The following PRR16 variants were observed in gnomAD, a reference collection of about 807,000 sequenced individuals.
PRR16 encodes the protein proline rich 16, also known as protein Largen.
PRR16 carries 6 observed loss-of-function variants against 18.2 expected under a neutral mutation model. That is an observed-to-expected ratio of 0.33 (90% CI 0.18 to 0.65). The LOEUF (loss-of-function observed/expected upper bound fraction) is 0.65, where lower values mean the gene tolerates loss of function less well. Ranked by LOEUF, PRR16 falls within the 30% of genes least tolerant of loss-of-function variation. The probability of loss-of-function intolerance (pLI) is 0.74; values close to 1 mark genes in which losing one functional copy is unlikely to be tolerated. For synonymous variants in PRR16, 151 were observed against 147.8 expected, an observed-to-expected ratio of 1.02 and a Z score of -0.16; for missense variants, 412 against 376.6, an observed-to-expected ratio of 1.09 and a Z score of -0.78.
At chr5:120,752,974 GATA>G in the PRR16 span, among the ~76,000 whole-genome samples, 1 of 8,882 alleles carries the variant, frequency 1.1e-4, no homozygotes, top group African/African-American at 1.6e-4. Context: ...GATAAATTAG[GATA>G]ATATTATTGA....
At chr5:120,554,889 A>G (rs1001368332) in intron 1 of PRR16, among the ~76,000 whole-genome samples, 2 of 151,924 alleles carry the variant, frequency 1.3e-5, no homozygotes, top group African/African-American at 4.8e-5. Flanking sequence ...AAGCAGCTAC[A>G]GCATATCTTT....
chr5:120,567,373 T>C (rs897467852), intron 1 of PRR16, among the ~76,000 whole-genome samples: 6 of 152,162 alleles, frequency 3.9e-5, no homozygotes, highest in African/African-American at 1.4e-4. Flanking sequence ...TTCACCCTCC[T>C]GCCACTGTGC....
chr5:120,600,683 G>C (rs1328909530), intron 1 of PRR16, among the ~76,000 whole-genome samples: 1 of 151,868 alleles, frequency 6.6e-6, no homozygotes, highest in African/African-American at 2.4e-5. Context: ...CGGATAGTGA[G>C]CCTGGTGCCT....
intron 1 of PRR16, among the ~76,000 whole-genome samples, chr5:120,551,901 T>C (rs939777243): frequency 2.0e-5 from 3 of 151,978 alleles, no homozygotes; most frequent in Non-Finnish European, 4.4e-5. Context: ...TTTGAGTTCA[T>C]GGATGAATAT....
chr5:120,470,757 A>G (rs1456957402), intron 1 of PRR16, among the ~76,000 whole-genome samples: 2 of 152,136 alleles, frequency 1.3e-5, no homozygotes, highest in Non-Finnish European at 2.9e-5. Flanking sequence ...AGTTACTGAT[A>G]TTGCCCATTT....
chr5:120,488,585 G>T (rs142993407), intron 1 of PRR16, among the ~76,000 whole-genome samples: 1 of 151,560 alleles, frequency 6.6e-6, no homozygotes. Context: ...TTTGTTGATC[G>T]TTTCAAAAAA....
At chr5:120,592,790 T>G (rs1254026040) in intron 1 of PRR16, among the ~76,000 whole-genome samples, 4 of 152,274 alleles carry the variant, frequency 2.6e-5, no homozygotes, top group Admixed American at 1.3e-4. Context: ...ATTATTAACA[T>G]TTTATTGTCC....
intron 1 of PRR16, chr5:120,657,930 T>G (rs1756040119): frequency 6.6e-6 from 1 of 151,908 alleles, no homozygotes; most frequent in African/African-American, 2.4e-5. Context: ...TTTAGGGCAT[T>G]TTCTAATGCT....
At chr5:120,617,117 C>T in intron 1 of PRR16, 7 of 985,310 alleles carry the variant, frequency 7.1e-6, no homozygotes, top group Middle Eastern at 5.2e-4. Flanking sequence ...CTACTCCCAC[C>T]TCCCCACATG....
At chr5:120,793,335 GA>G in the PRR16 span, among the ~76,000 whole-genome samples, 1 of 150,720 alleles carries the variant, frequency 6.6e-6, no homozygotes, top group Non-Finnish European at 1.5e-5. Flanking sequence ...CCCTGCCTCA[GA>G]AAAAAATAAA....
At chr5:120,753,094 T>C in the PRR16 span, among the ~76,000 whole-genome samples, 1 of 151,990 alleles carries the variant, frequency 6.6e-6, no homozygotes, top group Non-Finnish European at 1.5e-5. Context: ...GCAGAGGAGT[T>C]AGCAGAGCAA....
chr5:120,490,571 A>G (rs112269719), intron 1 of PRR16, among the ~76,000 whole-genome samples: 2,011 of 152,042 alleles, frequency 0.013, 16 homozygotes, highest in Middle Eastern at 0.11. Context: ...TTTTCAAGGT[A>G]TTTAACTTCT....
the PRR16 span, among the ~76,000 whole-genome samples, chr5:120,721,088 A>G: frequency 1.3e-5 from 2 of 152,114 alleles, no homozygotes; most frequent in Non-Finnish European, 2.9e-5. Flanking sequence ...TACACATGTA[A>G]GTGTATGCTC....
At chr5:120,755,873 C>T in the PRR16 span, among the ~76,000 whole-genome samples, 1 of 152,070 alleles carries the variant, frequency 6.6e-6, no homozygotes, top group Non-Finnish European at 1.5e-5. Context: ...CACAGATTTA[C>T]TGAAAGAAAA....
At chr5:120,666,370 G>C (rs1484795252) in intron 1 of PRR16, among the ~76,000 whole-genome samples, 2 of 152,102 alleles carry the variant, frequency 1.3e-5, no homozygotes, top group African/African-American at 4.8e-5. Context: ...TGAGACAATG[G>C]GGTTTTCTAG....
chr5:120,493,040 A>G (rs1163697810), intron 1 of PRR16, among the ~76,000 whole-genome samples: 1 of 152,192 alleles, frequency 6.6e-6, no homozygotes, highest in Admixed American at 6.5e-5. Flanking sequence ...TGTCTTTTTC[A>G]TATAATGACT....
At chr5:120,544,638 TTTTTA>T (rs1428503224) in intron 1 of PRR16, among the ~76,000 whole-genome samples, 3 of 152,158 alleles carry the variant, frequency 2.0e-5, no homozygotes, top group Non-Finnish European at 2.9e-5. Flanking sequence ...GTTCTGTATA[TTTTTA>T]TTTTATTTCT....
At chr5:120,561,960 G>C (rs189245669) in intron 1 of PRR16, among the ~76,000 whole-genome samples, 1 of 152,226 alleles carries the variant, frequency 6.6e-6, no homozygotes, top group Admixed American at 6.5e-5. Context: ...TCAGCATCGT[G>C]AGAACAGACT....
At chr5:120,637,336 A>AC (rs1554090480) in intron 1 of PRR16, among the ~76,000 whole-genome samples, 1 of 150,552 alleles carries the variant, frequency 6.6e-6, no homozygotes, top group Admixed American at 6.6e-5. Context: ...AAAAAAAAAA[A>AC]AAAAAAACTT....
Sources: gnomAD v4.1 joint callset for allele counts (sites outside exome capture counted in the v4.1 genomes callset) on GRCh38, gnomAD v4.1.1 for gene constraint, MANE v1.5 for transcripts, NCBI Gene and HGNC (gene_info 2026-07-23, HGNC 2026-07-21) for gene names.